The following GREM2 variants were observed in gnomAD, a reference collection of about 807,000 sequenced individuals.
The protein encoded by GREM2 is gremlin 2, DAN family BMP antagonist.
In GREM2, 11 loss-of-function variants were observed where a neutral mutation model predicts 14.2. The observed-to-expected ratio is 0.78, with a 90% confidence interval of 0.49 to 1.28. The LOEUF (loss-of-function observed/expected upper bound fraction) is 1.28, where lower values mean the gene tolerates loss of function less well. GREM2 is among the 50% of genes most tolerant of loss of function. GREM2 has a pLI of 0.00. For missense variants in GREM2, 210 were observed against 218.5 expected (o/e 0.96, Z 0.24); for synonymous variants, 98 against 97.6 (o/e 1.00, Z -0.02).
In GREM2 at chr1:240,552,308, C is replaced by T. The variant is rs1489316720; in HGVS notation, c.-1-58832G>A. Among the ~76,000 whole-genome samples the T allele has an allele frequency of 4.6e-5, 7 of 152,238 alleles. No individual in the cohort carries two copies. In the East Asian group the frequency reaches 5.8e-4, roughly 13 times the overall value. On this transcript the variant is annotated intron_variant, in intron 1 of 1. Coordinates refer to ENST00000318160, the MANE Select transcript of GREM2 (RefSeq NM_022469.4). ...ATAGAAAGACAGTTTTGGCTGGGCACGGAGGCTTGTGCCTGTAATCCCAGT... is the reference window on the plus strand; with the variant it reads ...ATAGAAAGACAGTTTTGGCTGGGCATGGAGGCTTGTGCCTGTAATCCCAGT...
intron 1 of GREM2, among the ~76,000 whole-genome samples, chr1:240,568,955 G>A (rs1175322119): frequency 1.3e-5 from 2 of 152,236 alleles, no homozygotes; most frequent in East Asian, 3.9e-4. Context: ...GGAGGCTGAG[G>A]TAGGAGGATT....
At chr1:240,544,499 A>C (rs1360313620) in intron 1 of GREM2, among the ~76,000 whole-genome samples, 1 of 152,182 alleles carries the variant, frequency 6.6e-6, no homozygotes, top group Non-Finnish European at 1.5e-5. Context: ...TTTTGGTATC[A>C]TTGAGAGATG....
chr1:240,507,014 G>A (rs552705631), intron 1 of GREM2, among the ~76,000 whole-genome samples: 9 of 152,352 alleles, frequency 5.9e-5, no homozygotes, highest in African/African-American at 2.2e-4. Flanking sequence ...TGGATGATGG[G>A]GCTGGAGCCG....
chr1:240,555,190 C>T (rs755149526), intron 1 of GREM2, among the ~76,000 whole-genome samples: 1 of 151,902 alleles, frequency 6.6e-6, no homozygotes, highest in Admixed American at 6.6e-5. Context: ...AGAATTGTGA[C>T]CATATTCTGG....
chr1:240,510,401 C>CAAAAAAAAAAAAAAAAAAAAAA (rs1553272787), intron 1 of GREM2, among the ~76,000 whole-genome samples: 1 of 72,666 alleles, frequency 1.4e-5, no homozygotes, highest in African/African-American at 4.8e-5. Flanking sequence ...AAAAAAAAAT[C>CAAAAAAAAAAAAAAAAAAAAAA]AAATGGTATC....
At chr1:240,502,282 T>TTGGAGCTGG (rs1341894123) in intron 1 of GREM2, among the ~76,000 whole-genome samples, 3 of 152,354 alleles carry the variant, frequency 2.0e-5, no homozygotes, top group South Asian at 4.1e-4. Flanking sequence ...TGCTGTATGT[T>TTGGAGCTGG]AGTTTGGAGG....
intron 1 of GREM2, among the ~76,000 whole-genome samples, chr1:240,571,161 G>A (rs183777978): frequency 9.9e-5 from 15 of 152,024 alleles, no homozygotes; most frequent in African/African-American, 1.9e-4. Flanking sequence ...ATTTTATTCC[G>A]TAATATTCTA....
chr1:240,494,648 C>T (rs1366788475), intron 1 of GREM2, among the ~76,000 whole-genome samples: 1 of 152,116 alleles, frequency 6.6e-6, no homozygotes, highest in African/African-American at 2.4e-5. Context: ...AGAAATTTCC[C>T]TAGCTGACTT....
chr1:240,505,704 A>T (rs184244345), intron 1 of GREM2, among the ~76,000 whole-genome samples: 1 of 152,146 alleles, frequency 6.6e-6, no homozygotes, highest in Non-Finnish European at 1.5e-5. Context: ...CATTATTAAA[A>T]TCAAAATCTA....
In GREM2 at chr1:240,519,781, GT is replaced by G. The variant is rs542344038; in HGVS notation, c.-1-26306del. 1.5e-3 allele frequency among the ~76,000 whole-genome samples: 222 copies of G among 152,188 alleles called. 1 individual carries two copies. Among genetic ancestry groups the G allele is most frequent in the African/African-American group, 5.2e-3 (214 of 41,536 alleles). ...AAAATAAAAAGGACTTAGCAATGGA[GT>G]ATGAAAAGCTCACCAAGTCCAGGAG... On this transcript the variant is annotated intron_variant, in intron 1 of 1. Coordinates refer to ENST00000318160, the MANE Select transcript of GREM2 (RefSeq NM_022469.4).
chr1:240,546,146 C>G (rs1046925419), intron 1 of GREM2, among the ~76,000 whole-genome samples: 1 of 151,818 alleles, frequency 6.6e-6, no homozygotes, highest in African/African-American at 2.4e-5. Context: ...AGCAGCCTGG[C>G]CAACATGGTG....
intron 1 of GREM2, among the ~76,000 whole-genome samples, chr1:240,573,236 G>T (rs994238686): frequency 3.3e-5 from 5 of 152,148 alleles, no homozygotes; most frequent in African/African-American, 1.2e-4. Context: ...GCCAAAGAGG[G>T]AGGATCACTC....
intron 1 of GREM2, among the ~76,000 whole-genome samples, chr1:240,579,060 A>G (rs2103374672): frequency 6.6e-6 from 1 of 152,198 alleles, no homozygotes; most frequent in Non-Finnish European, 1.5e-5. Context: ...TCAGACTCTC[A>G]TTGTCAGGTC....
chr1:240,563,075 ATATG>A (rs1321958943), intron 1 of GREM2, among the ~76,000 whole-genome samples: 3 of 142,160 alleles, frequency 2.1e-5, no homozygotes, highest in Admixed American at 1.4e-4. Flanking sequence ...GTATGTGTGT[ATATG>A]TGAGTGTGTG....
intron 1 of GREM2, among the ~76,000 whole-genome samples, chr1:240,553,443 A>G (rs1327266264): frequency 6.6e-6 from 1 of 152,234 alleles, no homozygotes; most frequent in Non-Finnish European, 1.5e-5. Flanking sequence ...CATGGTCCCT[A>G]CATACTCATC....
At chr1:240,581,339 C>T (rs1367059502) in intron 1 of GREM2, among the ~76,000 whole-genome samples, 1 of 151,964 alleles carries the variant, frequency 6.6e-6, no homozygotes, top group African/African-American at 2.4e-5. Flanking sequence ...GATTCTTAGT[C>T]ATTAATTAAA....
intron 1 of GREM2, among the ~76,000 whole-genome samples, chr1:240,524,319 A>AT (rs1377139612): frequency 6.6e-6 from 1 of 152,198 alleles, no homozygotes; most frequent in East Asian, 1.9e-4. Flanking sequence ...AGCTCAATGG[A>AT]TTTTTTAGAG....
chr1:240,523,643 GT>G, intron 1 of GREM2, among the ~76,000 whole-genome samples: 1 of 151,964 alleles, frequency 6.6e-6, no homozygotes, highest in East Asian at 1.9e-4. Context: ...TGATCCTTTA[GT>G]TTTTTTGTTT....
chr1:240,544,306 C>T (rs1371516552), intron 1 of GREM2, among the ~76,000 whole-genome samples: 1 of 152,100 alleles, frequency 6.6e-6, no homozygotes, highest in Admixed American at 6.6e-5. Context: ...TGCCACCACG[C>T]CTGGCTAATT....
Sources: allele counts gnomAD v4.1 joint callset (sites outside exome capture counted in the v4.1 genomes callset), GRCh38; gene constraint gnomAD v4.1.1; transcripts MANE v1.5; gene names NCBI Gene and HGNC (gene_info 2026-07-23, HGNC 2026-07-21).